The following KCNG3 variants were observed in gnomAD, a reference collection of about 807,000 sequenced individuals.
The protein encoded by KCNG3 is voltage-gated potassium channel regulatory subunit KCNG3.
In KCNG3, 15 loss-of-function variants were observed where a neutral mutation model predicts 29.0. The observed-to-expected ratio is 0.52, with a 90% CI of 0.35 to 0.80. The LOEUF (loss-of-function observed/expected upper bound fraction) is 0.80. Ranked by LOEUF, KCNG3 falls within the 30% of genes least tolerant of loss-of-function variation. The probability of loss-of-function intolerance (pLI) is 0.01; values close to 1 mark genes in which losing one functional copy is unlikely to be tolerated. For missense variants in KCNG3, 512 were observed against 605.7 expected (o/e 0.85, Z 1.62); for synonymous variants, 322 against 248.9 (o/e 1.29, Z -2.76).
intron 1 of KCNG3, among the ~76,000 whole-genome samples, chr2:42,456,748 A>C (rs1185422232): frequency 1.3e-5 from 2 of 152,220 alleles, no homozygotes; most frequent in African/African-American, 4.8e-5. Flanking sequence ...TTCTTACTCC[A>C]AGCCTTCAGA....
downstream of KCNG3, among the ~76,000 whole-genome samples, chr2:42,441,743 A>G: frequency 6.6e-6 from 1 of 150,518 alleles, no homozygotes; most frequent in Non-Finnish European, 1.5e-5. Flanking sequence ...TATATATAAA[A>G]TATATACACA....
At position 42,493,110 on chromosome 2, in the gene KCNG3, T is replaced by C. The variant is rs764771886; in HGVS notation, c.392A>G (p.Glu131Gly). The change falls in exon 1 of 2, where the codon GAG (glutamate) becomes GGG (glycine). Residue 131 changes from glutamate to glycine, a missense_variant. Transcript: ENST00000306078. ...CTCGTCGCGGCCCAGCACGCCCGGCTCGTCGGCCGAGTAGAAGGTGTAGGT... is the reference window on the plus strand; with the variant it reads ...CTCGTCGCGGCCCAGCACGCCCGGCCCGTCGGCCGAGTAGAAGGTGTAGGT... ...SDTYTFYSAD[E>G]PGVLGRDEAR... The C allele has an allele frequency of 4.4e-6, 7 of 1,591,978 alleles. No homozygotes were observed. The East Asian group carries it at 9.1e-5, about 21-fold the overall frequency.
chr2:42,489,808 C>G (rs983647304), intron 1 of KCNG3, among the ~76,000 whole-genome samples: 1 of 152,234 alleles, frequency 6.6e-6, no homozygotes, highest in African/African-American at 2.4e-5. Context: ...TCATCAGTCC[C>G]TGATGCCTGT....
At chr2:42,411,474 A>T in the KCNG3 span, among the ~76,000 whole-genome samples, 1 of 151,888 alleles carries the variant, frequency 6.6e-6, no homozygotes. Context: ...TTTTCTTCAT[A>T]CATGTCTTAT....
chr2:42,446,136 T>C (rs771946070), intron 1 of KCNG3, among the ~76,000 whole-genome samples: 4 of 151,996 alleles, frequency 2.6e-5, no homozygotes, highest in Non-Finnish European at 5.9e-5. Context: ...TCTGGCCCTG[T>C]GAGCTGTAAT....
intron 1 of KCNG3, among the ~76,000 whole-genome samples, chr2:42,456,881 T>G (rs1041260589): frequency 6.6e-6 from 1 of 152,172 alleles, no homozygotes; most frequent in Non-Finnish European, 1.5e-5. Context: ...CTAGAGTCTT[T>G]CATGTCCTTA....
chr2:42,428,292 T>A, the KCNG3 span, among the ~76,000 whole-genome samples: 1 of 151,288 alleles, frequency 6.6e-6, no homozygotes, highest in South Asian at 2.1e-4. Context: ...AAACCCCATC[T>A]CCATTAAAAA....
chr2:42,453,952 T>C (rs1672821360), intron 1 of KCNG3, among the ~76,000 whole-genome samples: 1 of 152,186 alleles, frequency 6.6e-6, no homozygotes, highest in African/African-American at 2.4e-5. Context: ...CACCATTTAT[T>C]GAAGAGACTG....
At chr2:42,482,396 A>G (rs1420421440) in intron 1 of KCNG3, among the ~76,000 whole-genome samples, 2 of 152,134 alleles carry the variant, frequency 1.3e-5, no homozygotes, top group Non-Finnish European at 2.9e-5. Flanking sequence ...ATGGAAACAC[A>G]GAGAGACTCT....
At chr2:42,414,122 TTTTA>T in the KCNG3 span, among the ~76,000 whole-genome samples, 1 of 152,228 alleles carries the variant, frequency 6.6e-6, no homozygotes. Flanking sequence ...ATAATTATTA[TTTTA>T]TTTAAAGTTT....
chr2:42,392,961 T>C, the KCNG3 span, among the ~76,000 whole-genome samples: 2 of 152,124 alleles, frequency 1.3e-5, no homozygotes, highest in Non-Finnish European at 2.9e-5. Context: ...CAGTTAGGAT[T>C]GGGTTCAGCT....
chr2:42,437,204 A>C (rs1672391922), downstream of KCNG3, among the ~76,000 whole-genome samples: 1 of 152,218 alleles, frequency 6.6e-6, no homozygotes, highest in South Asian at 2.1e-4. Flanking sequence ...TTTAAGAAAA[A>C]GACACACAAA....
chr2:42,401,906 A>G, the KCNG3 span, among the ~76,000 whole-genome samples: 32 of 152,262 alleles, frequency 2.1e-4, no homozygotes, highest in Admixed American at 1.8e-3. Flanking sequence ...CAAAAAACAA[A>G]CAAACAAACA....
chr2:42,435,341 T>C, the KCNG3 span, among the ~76,000 whole-genome samples: 3 of 151,866 alleles, frequency 2.0e-5, no homozygotes, highest in African/African-American at 7.3e-5. Flanking sequence ...AGAAAACACA[T>C]AGGAGTAAAT....
At chr2:42,391,465 C>A in the KCNG3 span, among the ~76,000 whole-genome samples, 3 of 152,146 alleles carry the variant, frequency 2.0e-5, no homozygotes, top group Non-Finnish European at 4.4e-5. Context: ...AGGATTGAAA[C>A]AAAGTGGCAA....
chr2:42,391,600 T>TG, the KCNG3 span, among the ~76,000 whole-genome samples: 1 of 124,588 alleles, frequency 8.0e-6, no homozygotes, highest in Admixed American at 7.7e-5. Context: ...TATCTCTTTT[T>TG]TTTTTTTTTT....
chr2:42,411,762 C>T, the KCNG3 span, among the ~76,000 whole-genome samples: 4 of 152,176 alleles, frequency 2.6e-5, no homozygotes, highest in Non-Finnish European at 5.9e-5. Flanking sequence ...GAATTACAGG[C>T]ATGAGCTACT....
At chr2:42,490,643 C>A (rs545027800) in intron 1 of KCNG3, among the ~76,000 whole-genome samples, 12 of 152,276 alleles carry the variant, frequency 7.9e-5, no homozygotes, top group Non-Finnish European at 1.6e-4. Context: ...GGAACACCAG[C>A]AGTGCCTTGA....
the KCNG3 span, among the ~76,000 whole-genome samples, chr2:42,426,215 G>A: frequency 6.6e-6 from 1 of 152,132 alleles, no homozygotes; most frequent in Admixed American, 6.5e-5. Flanking sequence ...GGAAAGTTAT[G>A]ACCCAAATGA....
Sources: gnomAD v4.1 joint callset for allele counts (sites outside exome capture counted in the v4.1 genomes callset) on GRCh38, gnomAD v4.1.1 for gene constraint, MANE v1.5 for transcripts, NCBI Gene and HGNC (gene_info 2026-07-23, HGNC 2026-07-21) for gene names.